DCTN2: variants seen among roughly 807,000 people sequenced by gnomAD.
The protein encoded by DCTN2 is 50 kDa dynein-associated polypeptide.
DCTN2 carries 18 observed loss-of-function variants against 55.4 expected under a neutral mutation model. That is an observed-to-expected ratio of 0.32 (90% CI 0.22 to 0.48). The LOEUF (loss-of-function observed/expected upper bound fraction) is 0.48. Ranked by LOEUF, DCTN2 falls within the 20% of genes least tolerant of loss-of-function variation. The pLI is 0.99. For missense variants in DCTN2, 390 were observed against 491.0 expected, an observed-to-expected ratio of 0.79 and a Z score of 1.94; for synonymous variants, 168 against 185.2, an observed-to-expected ratio of 0.91 and a Z score of 0.76.
At chr12:57,533,827 G>GAA in intron 7 of DCTN2, 126 bp downstream of exon 7, 1 of 994,502 alleles carries the variant, frequency 1.0e-6, no homozygotes, top group Non-Finnish European at 1.4e-6. Context: ...ATCAAAAGAG[G>GAA]AATCAATCAA....
intron 2 of DCTN2, among the ~76,000 whole-genome samples, chr12:57,544,663 G>A (rs1307430732): frequency 6.6e-6 from 1 of 152,016 alleles, no homozygotes; most frequent in African/African-American, 2.4e-5. Flanking sequence ...AAAGTGCTGG[G>A]ATTACAGGCA....
intron 1 of DCTN2, 76 bp downstream of exon 1, chr12:57,546,952 C>A: frequency 8.5e-7 from 1 of 1,170,788 alleles, no homozygotes; most frequent in Non-Finnish European, 1.1e-6. Context: ...GGAGGGGTCG[C>A]GGGCTGGTTT....
intron 1 of DCTN2, 34 bp downstream of exon 1, chr12:57,546,994 G>A (rs1166915966): frequency 3.1e-6 from 4 of 1,283,948 alleles, no homozygotes; most frequent in Non-Finnish European, 4.0e-6. Flanking sequence ...TCGGGGGCGC[G>A]GTCCTGGGGA....
intron 2 of DCTN2, chr12:57,543,990 TC>T: frequency 2.2e-6 from 1 of 446,250 alleles, no homozygotes; most frequent in Non-Finnish European, 4.5e-6. Flanking sequence ...TTAAGAGATA[TC>T]CCAGTATCTT....
chr12:57,540,777 G>A (rs1308900812), intron 2 of DCTN2, among the ~76,000 whole-genome samples: 1 of 152,202 alleles, frequency 6.6e-6, no homozygotes. Flanking sequence ...AAAAGGAGGG[G>A]TGCAGAAACA....
intron 11 of DCTN2, 26 bp downstream of exon 11, chr12:57,532,546 G>A (rs1879831319): frequency 6.2e-7 from 1 of 1,612,352 alleles, no homozygotes; most frequent in South Asian, 1.1e-5. Context: ...GGAGTGGAAA[G>A]GAGATGGGGA....
Position 57,532,572 on chromosome 12 carries a change from C to T in DCTN2, c.924G>A (p.Lys308=). 2 of 1,613,942 alleles carry T rather than the reference C, an allele frequency of 1.2e-6. No homozygotes were observed. Among genetic ancestry groups the T allele is most frequent in the Non-Finnish European group, 1.7e-6 (2 of 1,179,858 alleles). ...ASVEDADTQS[K]VHQLYETIQR... ...GAGATGGGGAAGGTGTCTTCCTGAC[C>T]TTGCTTTGTGTATCTGCATCTTCTA... The change falls in exon 11 of 14, where the codon AAG becomes AAA. Residue 308 remains lysine (K), a splice_region_variant and synonymous_variant. Coordinates refer to ENST00000548249, the MANE Select transcript of DCTN2 (RefSeq NM_001261413.2).
chr12:57,534,011 A>G lies in DCTN2; in HGVS notation c.611T>C (p.Leu204Pro). 1.2e-6 allele frequency: 2 copies of G among 1,613,702 alleles called. No homozygotes were observed. Among genetic ancestry groups the G allele is most frequent in the Non-Finnish European group, 1.7e-6 (2 of 1,179,756 alleles). The change falls in exon 7 of 14, where the codon CTT becomes CCT. Residue 204 changes from leucine to proline, a missense_variant. By Grantham distance (98) the Leu-to-Pro change is moderately conservative (BLOSUM62 -3). This residue lies in a region of DCTN2 where 273 missense variants were observed against 303.2 expected (regional missense o/e 0.90). Transcript: ENST00000548249. ...KTTGTPPDSS[L>P]VTYELHSRPE... The stretch of plus-strand genomic sequence containing the variant: ...CCGAGAATGTAGTTCATAAGTGACA[A>G]GGCTGCTATCTGGGGGGGTCCCAGT...
At chr12:57,539,863 C>T (rs1880551138) in intron 2 of DCTN2, among the ~76,000 whole-genome samples, 1 of 152,008 alleles carries the variant, frequency 6.6e-6, no homozygotes, top group African/African-American at 2.4e-5. Context: ...CCCATCTCTA[C>T]TAAAAATACA....
At chr12:57,539,897 A>G (rs703839) in intron 2 of DCTN2, among the ~76,000 whole-genome samples, 27,254 of 151,994 alleles carry the variant, frequency 0.18, 2,622 homozygotes, top group East Asian at 0.27. Context: ...ATGGTGGTGG[A>G]CGCCTGTAAT....
intron 1 of DCTN2, 121 bp downstream of exon 1, chr12:57,546,907 G>C: frequency 1.2e-6 from 1 of 851,192 alleles, no homozygotes; most frequent in Non-Finnish European, 1.6e-6. Flanking sequence ...AGAACGAGCG[G>C]CGGGAGCCCT....
chr12:57,543,596 C>T (rs1880890511), intron 2 of DCTN2, among the ~76,000 whole-genome samples: 1 of 152,172 alleles, frequency 6.6e-6, no homozygotes. Flanking sequence ...AGCTGACTTC[C>T]CAAAAGCTGC....
intron 2 of DCTN2, among the ~76,000 whole-genome samples, chr12:57,540,981 G>C (rs762450290): frequency 6.6e-6 from 1 of 152,104 alleles, no homozygotes; most frequent in Non-Finnish European, 1.5e-5. Flanking sequence ...TCCTTGTCTA[G>C]AATAGCTAAA....
chr12:57,538,604 A>G (rs1880443951), intron 2 of DCTN2: 1 of 708,602 alleles, frequency 1.4e-6, no homozygotes, highest in Non-Finnish European at 2.6e-6. Context: ...GGGAGGGAAA[A>G]AAAAGACAAA....
intron 13 of DCTN2, among the ~76,000 whole-genome samples, chr12:57,531,545 A>T (rs1289695814): frequency 6.6e-6 from 1 of 152,094 alleles, no homozygotes; most frequent in Non-Finnish European, 1.5e-5. Flanking sequence ...GAAATTGTGG[A>T]CTTGCTGTGT....
In DCTN2 at chr12:57,533,041, A is replaced by G. The variant is rs111434135; in HGVS notation, c.736-19T>C. 7 of 1,592,112 alleles carry G rather than the reference A, an allele frequency of 4.4e-6. No individual in the cohort carries two copies. In the African/African-American group the frequency reaches 5.4e-5, roughly 12 times the overall value. The stretch of plus-strand genomic sequence containing the variant: ...GGGGATTCTGGTGGGAAAGGAAGGG[A>G]AGAAGTGAGTGGTCCTTATATCTCC... On this transcript the variant is annotated intron_variant, in intron 8 of 13. Coordinates refer to ENST00000548249, the MANE Select transcript of DCTN2 (RefSeq NM_001261413.2).
intron 5 of DCTN2, 22 bp from the exon 6 acceptor site, chr12:57,534,474 A>G (rs1880051626): frequency 6.4e-7 from 1 of 1,565,098 alleles, no homozygotes; most frequent in South Asian, 1.2e-5. Flanking sequence ...AAAGGTAGAA[A>G]TCGGGGGATG....
chr12:57,546,718 G>A (rs1388323768), intron 1 of DCTN2, among the ~76,000 whole-genome samples: 1 of 152,096 alleles, frequency 6.6e-6, no homozygotes, highest in African/African-American at 2.4e-5. Context: ...GGAGAGATTT[G>A]GGGGGGACAT....
intron 2 of DCTN2, among the ~76,000 whole-genome samples, chr12:57,544,295 A>G (rs778355672): frequency 1.3e-5 from 2 of 152,128 alleles, no homozygotes; most frequent in African/African-American, 4.8e-5. Flanking sequence ...TAACCTACCT[A>G]CACCCTCCTG....
Sources: gnomAD v4.1 joint callset for allele counts (sites outside exome capture counted in the v4.1 genomes callset) on GRCh38, gnomAD v4.1.1 for gene constraint, gnomAD v4.1.1 regional missense constraint, MANE v1.5 for transcripts, NCBI Gene and HGNC (gene_info 2026-07-23, HGNC 2026-07-21) for gene names.